The following LAMA4 variants were observed in gnomAD, a reference collection of about 807,000 sequenced individuals.
LAMA4 encodes the protein laminin subunit alpha-4.
Under a neutral mutation model 207.1 loss-of-function variants are expected in LAMA4, and 127 were observed. That is an observed-to-expected ratio of 0.61 (90% CI 0.53 to 0.71). LAMA4 has a LOEUF of 0.71. Among genes scored for constraint, LAMA4 ranks in the 30% least tolerant of loss-of-function variants. The pLI is 0.00. For missense variants in LAMA4, 2,093 were observed against 2,246.5 expected (o/e 0.93, Z 1.38); for synonymous variants, 761 against 816.0 (o/e 0.93, Z 1.15).
chr6:112,178,144 T>G lies in LAMA4; in HGVS notation c.1166A>C (p.His389Pro), dbSNP rs782618362. 6.2e-7 allele frequency: 1 copy of G among 1,613,192 alleles called. No individual in the cohort carries two copies. Among genetic ancestry groups the G allele is most frequent in the Non-Finnish European group, 8.5e-7 (1 of 1,179,114 alleles). Residue 389 changes from histidine to proline, a missense_variant, in exon 10 of 39, where the codon CAT (histidine) becomes CCT (proline). His to Pro is a moderately conservative substitution (Grantham distance 77). Coordinates refer to ENST00000230538, the MANE Select transcript of LAMA4 (RefSeq NM_001105206.3). ...NHASQLVEQAHDMRDKIQEIN... is the reference protein window; with the variant it reads ...NHASQLVEQAPDMRDKIQEIN... ...ACCTTGGATTTTATCCCTCATATCA[T>G]GGGCTTGCTCTACCAGCTGACTTGC...
Position 112,191,794 on chromosome 6 carries a change from C to G in LAMA4, c.560G>C (p.Cys187Ser). Reference sequence around the variant, plus strand: ...GGGATCTGAATTTCCACTGCAGTCACATTTCTTACAGGTGCTTCCAATGAG... The same window carrying G: ...GGGATCTGAATTTCCACTGCAGTCAGATTTCTTACAGGTGCTTCCAATGAG... ...PLLIGSTCKK[C>S]DCSGNSDPNL... The change falls in exon 6 of 39, where the codon TGT becomes TCT. Residue 187 changes from cysteine to serine, a missense_variant. Physicochemically the swap from Cys to Ser is moderately radical, Grantham distance 112 (BLOSUM62 -1). Around this residue, in one of 3 missense-constraint regions of LAMA4, gnomAD observed 1,704 missense variants for 1,788.4 expected, o/e 0.95. Coordinates refer to ENST00000230538, the MANE Select transcript of LAMA4 (RefSeq NM_001105206.3). 1 of 1,614,166 alleles carries G rather than the reference C, an allele frequency of 6.2e-7. No homozygotes were observed. Among genetic ancestry groups the G allele is most frequent in the Non-Finnish European group, 8.5e-7 (1 of 1,180,026 alleles).
In LAMA4 at chr6:112,158,773, G is replaced by A. The variant is rs782592026; in HGVS notation, c.1776C>T (p.Asp592=). The A allele has an allele frequency of 3.7e-6, 6 of 1,613,734 alleles. No individual in the cohort carries two copies. The highest frequency in any genetic ancestry group is 2.2e-5 in the East Asian group (1 of 44,854). Residue 592 remains aspartate (D), a synonymous_variant, in exon 14 of 39, where the codon GAC becomes GAT. Transcript: ENST00000230538. Reference sequence around the variant, plus strand: ...CTTCTTGTTGAAGGTCCTGTGCATGGTCAATAGCTTCTTGGACTAAATCAT... The same window carrying A: ...CTTCTTGTTGAAGGTCCTGTGCATGATCAATAGCTTCTTGGACTAAATCAT... ...LSHDLVQEAI[D]HAQDLQQEAN...
chr6:112,167,391 G>A (rs948645619), intron 12 of LAMA4, among the ~76,000 whole-genome samples: 3 of 152,154 alleles, frequency 2.0e-5, no homozygotes, highest in Admixed American at 6.5e-5. Context: ...GACAGAGTAA[G>A]ACTGTGTCTC....
At chr6:112,120,494 AT>A in intron 32 of LAMA4, 22 bp from the exon 33 acceptor site, 1 of 1,575,178 alleles carries the variant, frequency 6.3e-7, no homozygotes, top group Non-Finnish European at 8.7e-7. Context: ...AAAGAAAGGG[AT>A]TACCATATGT....
At chr6:112,243,972 C>A (rs1375250394) in intron 2 of LAMA4, among the ~76,000 whole-genome samples, 2 of 152,122 alleles carry the variant, frequency 1.3e-5, no homozygotes, top group Non-Finnish European at 2.9e-5. Context: ...GCAGGAGAAT[C>A]ACTTGAACCT....
intron 9 of LAMA4, chr6:112,178,832 A>T (rs535594323): frequency 6.5e-6 from 1 of 153,130 alleles, no homozygotes; most frequent in Non-Finnish European, 1.5e-5. Context: ...CTGTATCTCA[A>T]GTTGCTGGAC....
intron 2 of LAMA4, among the ~76,000 whole-genome samples, chr6:112,253,069 G>GT (rs1787576213): frequency 6.6e-6 from 1 of 152,184 alleles, no homozygotes; most frequent in Non-Finnish European, 1.5e-5. Flanking sequence ...CCACATAACT[G>GT]TTTTAGTTGT....
At chr6:112,204,139 A>G (rs1783919302) in intron 4 of LAMA4, among the ~76,000 whole-genome samples, 2 of 152,178 alleles carry the variant, frequency 1.3e-5, no homozygotes, top group South Asian at 4.1e-4. Flanking sequence ...GAGTTTCAAA[A>G]CACTGCTGTA....
At chr6:112,120,493 G>A (rs1387345886) in intron 32 of LAMA4, 21 bp from the exon 33 acceptor site, 1 of 1,575,478 alleles carries the variant, frequency 6.3e-7, no homozygotes, top group East Asian at 2.2e-5. Flanking sequence ...AAAAGAAAGG[G>A]ATTACCATAT....
At chr6:112,251,627 T>G (rs1554189873) in intron 2 of LAMA4, 1 of 152,244 alleles carries the variant, frequency 6.6e-6, no homozygotes, top group African/African-American at 2.4e-5. Context: ...CAGTAAAGTG[T>G]TTGTACCATG....
rs147069572 is a variant in LAMA4, at chr6:112,185,279, C to T, written c.1035G>A (p.Thr345=). Residue 345 remains threonine (T), a synonymous_variant, in exon 9 of 39, where the codon ACG becomes ACA. Coordinates refer to ENST00000230538, the MANE Select transcript of LAMA4 (RefSeq NM_001105206.3). ...CTACGTCAGACAGAAGGCTTTTCAT[C>T]GTGTTCTCAGCATTGTTGATTTGTA... is the stretch of plus-strand genomic sequence containing the variant. ...RKIQINNAEN[T]MKSLLSDVEE... is the part of the protein sequence containing the mutation. 6.6e-4 allele frequency: 1,057 copies of T among 1,613,490 alleles called. No homozygotes were observed. The highest frequency in any genetic ancestry group is 2.6e-3 in the East Asian group (118 of 44,884).
chr6:112,240,564 C>G (rs1378168862), intron 2 of LAMA4, among the ~76,000 whole-genome samples: 2 of 152,200 alleles, frequency 1.3e-5, no homozygotes, highest in Non-Finnish European at 2.9e-5. Context: ...CCCTTCCCAG[C>G]TTCTGGTAGC....
intron 3 of LAMA4, among the ~76,000 whole-genome samples, chr6:112,214,530 G>T (rs749515223): frequency 6.6e-6 from 1 of 152,062 alleles, no homozygotes; most frequent in African/African-American, 2.4e-5. Context: ...TTATACTAAT[G>T]TATCTATATT....
chr6:112,230,620 A>C (rs537075123), intron 2 of LAMA4, among the ~76,000 whole-genome samples: 2 of 152,232 alleles, frequency 1.3e-5, no homozygotes, highest in Admixed American at 1.3e-4. Context: ...TACCAGGGTT[A>C]TTTGTTTTAA....
At chr6:112,115,286 A>G (rs1355190206) in intron 36 of LAMA4, among the ~76,000 whole-genome samples, 8 of 151,856 alleles carry the variant, frequency 5.3e-5, no homozygotes, top group Admixed American at 5.2e-4. Flanking sequence ...AATTTAATAG[A>G]ATGTACTAGA....
At chr6:112,205,469 C>T (rs1490055400) in intron 4 of LAMA4, among the ~76,000 whole-genome samples, 1 of 152,046 alleles carries the variant, frequency 6.6e-6, no homozygotes, top group Non-Finnish European at 1.5e-5. Flanking sequence ...AAAGTGAGAT[C>T]TAGGGAGAAA....
intron 9 of LAMA4, among the ~76,000 whole-genome samples, chr6:112,180,490 A>G (rs1488366078): frequency 6.6e-6 from 1 of 152,314 alleles, no homozygotes; most frequent in Admixed American, 6.5e-5. Flanking sequence ...GCACGTGGGA[A>G]AACAGGTGCG....
chr6:112,210,779 A>C (rs1784316187), intron 3 of LAMA4, among the ~76,000 whole-genome samples: 1 of 152,220 alleles, frequency 6.6e-6, no homozygotes, highest in South Asian at 2.1e-4. Context: ...GGCAGAATCC[A>C]TCTTCTTCTA....
chr6:112,116,453 G>A (rs587703165), intron 35 of LAMA4, among the ~76,000 whole-genome samples: 3 of 152,308 alleles, frequency 2.0e-5, no homozygotes, highest in East Asian at 1.9e-4. Context: ...ACTGGGAAGG[G>A]CTCTAGTGGT....
Sources: allele counts gnomAD v4.1 joint callset (sites outside exome capture counted in the v4.1 genomes callset), GRCh38; gene constraint gnomAD v4.1.1; regional missense constraint gnomAD v4.1.1; transcripts MANE v1.5; gene names NCBI Gene and HGNC (gene_info 2026-07-23, HGNC 2026-07-21).